Variants in PXN observed in about 807,000 individuals in gnomAD.
PXN encodes paxillin.
In PXN, 61 loss-of-function variants were observed where a neutral mutation model predicts 103.6. The ratio of observed to expected loss-of-function variants is 0.59; its 90% CI spans 0.48 to 0.73. PXN has a LOEUF of 0.73. Among genes scored for constraint, PXN ranks in the 30% least tolerant of loss-of-function variants. The probability of loss-of-function intolerance (pLI) is 0.00; values close to 1 mark genes in which losing one functional copy is unlikely to be tolerated. For synonymous variants in PXN, 562 were observed against 607.8 expected (o/e 0.92, Z 1.11); for missense variants, 1,274 against 1,460.3 (o/e 0.87, Z 2.08).
intron 1 of PXN, among the ~76,000 whole-genome samples, chr12:120,245,376 C>CT (rs1487305655): frequency 6.6e-6 from 1 of 151,190 alleles, no homozygotes; most frequent in Non-Finnish European, 1.5e-5. Context: ...GGCAGGGAAA[C>CT]TAGCCAGGGA....
rs1284152512 is a variant in PXN at position 120,214,279 on chromosome 12, C to T, written c.2749-62G>A. On this transcript the variant is annotated intron_variant, in intron 12 of 14. Transcript: ENST00000637617. The surrounding 1 kb of genome is among the most constrained non-coding windows in gnomAD (Gnocchi z 5.0). Reference sequence around the variant, plus strand: ...GGGCAGATCTCACAACTGAGACGCCCAGCAAGGCCGTCCTTCCACCCGCAG... The same window carrying T: ...GGGCAGATCTCACAACTGAGACGCCTAGCAAGGCCGTCCTTCCACCCGCAG... The T allele has an allele frequency of 4.9e-6, 7 of 1,426,734 alleles. No individual in the cohort carries two copies. Among genetic ancestry groups the T allele is most frequent in the Non-Finnish European group, 6.8e-6 (7 of 1,035,640 alleles). 88.4% of individuals were successfully genotyped at this position (1,426,734 alleles called of 1,614,324 possible). A position where few individuals can be genotyped will look rare whatever the true frequency, so the allele number is the denominator to read the frequency against.
At position 120,265,498 on chromosome 12, in the gene PXN, G is replaced by A; in HGVS notation, c.13+119C>T. The A allele has an allele frequency of 2.5e-6, 3 of 1,188,902 alleles. No individual in the cohort carries two copies. The South Asian group carries it at 5.1e-5, about 20-fold the overall frequency. The allele number at this position is 1,188,902 out of a possible 1,614,324, so 73.6% of individuals were successfully genotyped here. On this transcript the variant is annotated intron_variant, in intron 1 of 14. Transcript: ENST00000637617. This position sits in a 1 kb window ranked among gnomAD's most constrained non-coding sequence, Gnocchi z 5.7. ...GCGGAGCCCCGGCCGGCAGGGACAGGAGCTGAGGCCGGGGCCGCCGAGGGT... is the reference window on the plus strand; with the variant it reads ...GCGGAGCCCCGGCCGGCAGGGACAGAAGCTGAGGCCGGGGCCGCCGAGGGT...
In PXN at chr12:120,245,848, A is replaced by T. The variant is rs372305569; in HGVS notation, c.13+19769T>A. On this transcript the variant is annotated intron_variant, in intron 1 of 14. Coordinates refer to ENST00000637617, the MANE Select transcript of PXN (RefSeq NM_001385981.1). ...TATAGTAAATTTGTGGACAAACATAAAAGGTGGACTACATAGTACGGGTTT... is the reference window on the plus strand; with the variant it reads ...TATAGTAAATTTGTGGACAAACATATAAGGTGGACTACATAGTACGGGTTT... Among the ~76,000 whole-genome samples the T allele has an allele frequency of 1.2e-4, 18 of 152,244 alleles. No homozygotes were observed. In the East Asian group the frequency reaches 3.5e-3, roughly 29 times the overall value.
rs1376810366 is a variant in PXN, at chr12:120,224,962, G to A, written c.14-585C>T. 5.8e-6 allele frequency: 2 copies of A among 346,412 alleles called. No homozygotes were observed. The highest frequency in any genetic ancestry group is 7.6e-5 in the Admixed American group (2 of 26,374). The allele number at this position is 346,412 out of a possible 1,614,324, so 21.5% of individuals were successfully genotyped here. The stretch of plus-strand genomic sequence containing the variant: ...TAAGGTGTGCGGGGAGGTGGGGGCT[G>A]GAGTGAGGCTGGTGCAGCGGTCCCC... On this transcript the variant is annotated intron_variant, in intron 1 of 14. Coordinates refer to ENST00000637617, the MANE Select transcript of PXN (RefSeq NM_001385981.1). The surrounding 1 kb of genome is among the most constrained non-coding windows in gnomAD (Gnocchi z 5.0).
chr12:120,231,235 T>C (rs1414732625), intron 1 of PXN, among the ~76,000 whole-genome samples: 2 of 152,202 alleles, frequency 1.3e-5, no homozygotes, highest in Admixed American at 6.5e-5. Context: ...GAGGAGATAA[T>C]ACAATTATGG....
intron 1 of PXN, among the ~76,000 whole-genome samples, chr12:120,240,344 C>G (rs1211646638): frequency 6.6e-6 from 1 of 152,128 alleles, no homozygotes; most frequent in African/African-American, 2.4e-5. Flanking sequence ...CAAGTGCATG[C>G]CCAGCACTGC....
chr12:120,263,824 A>G (rs571555975), intron 1 of PXN, among the ~76,000 whole-genome samples: 1 of 152,308 alleles, frequency 6.6e-6, no homozygotes, highest in East Asian at 1.9e-4. Flanking sequence ...GAAGACAGGA[A>G]TTCCAGATTT....
At chr12:120,230,674 C>T (rs550399936) in intron 1 of PXN, among the ~76,000 whole-genome samples, 1 of 151,344 alleles carries the variant, frequency 6.6e-6, no homozygotes, top group East Asian at 1.9e-4. Context: ...GCCCAGAGCA[C>T]ATGAGCAGTT....
chr12:120,216,341 G>C lies in PXN; in HGVS notation c.2233C>G (p.Pro745Ala), dbSNP rs1251278740. 3.1e-6 allele frequency: 4 copies of C among 1,291,972 alleles called. No homozygotes were observed. Among genetic ancestry groups the C allele is most frequent in the Admixed American group, 3.9e-5 (1 of 25,770 alleles). The allele number at this position is 1,291,972 out of a possible 1,614,324, so 80.0% of individuals were successfully genotyped here. A position where few individuals can be genotyped will look rare whatever the true frequency, so the allele number is the denominator to read the frequency against. ...EGVQGPALPI[P>A]APHTMRSVGC... is the part of the protein sequence containing the mutation. Reference sequence around the variant, plus strand: ...ACGGACCTCATGGTGTGGGGTGCAGGAATGGGAAGGGCAGGGCCCTGCACC... The same window carrying C: ...ACGGACCTCATGGTGTGGGGTGCAGCAATGGGAAGGGCAGGGCCCTGCACC... The change falls in exon 9 of 15, where the codon CCT becomes GCT. Residue 745 changes from proline to alanine, a missense_variant. Pro to Ala is a conservative substitution (Grantham distance 27). This residue lies in a region of PXN where 1,178 missense variants were observed against 1,309.0 expected (regional missense o/e 0.90). Transcript: ENST00000637617. The surrounding 1 kb of genome is among the most constrained non-coding windows in gnomAD (Gnocchi z 5.1).
In PXN at chr12:120,213,875, G is replaced by A; in HGVS notation, c.2946C>T (p.Asn982=). The change falls in exon 14 of 15, where the codon AAC becomes AAT. Residue 982 remains asparagine, a synonymous_variant. Transcript: ENST00000637617. This position sits in a 1 kb window ranked among gnomAD's most constrained non-coding sequence, Gnocchi z 4.2. ...AILENYISAL[N]TLWHPECFVC... Reference sequence around the variant, plus strand: ...CAAAGCACTCAGGATGCCACAGCGTGTTGAGGGCTGAGATATAGTTCTCCA... The same window carrying A: ...CAAAGCACTCAGGATGCCACAGCGTATTGAGGGCTGAGATATAGTTCTCCA... 6.2e-7 allele frequency: 1 copy of A among 1,611,502 alleles called. No homozygotes were observed. Among genetic ancestry groups the A allele is most frequent in the East Asian group, 2.2e-5 (1 of 44,830 alleles).
Position 120,217,567 on chromosome 12 carries a change from G to C in PXN, c.1717-451C>G, listed in dbSNP as rs182589101. ...TTTTTTTTAATTTATAATAGAAAAA[G>C]TGTTTCCTTCCAGGAACTTTTTTTT... On this transcript the variant is annotated intron_variant, in intron 7 of 14. Transcript: ENST00000637617. This position sits in a 1 kb window ranked among gnomAD's most constrained non-coding sequence, Gnocchi z 4.1. 6.6e-6 allele frequency among the ~76,000 whole-genome samples: 1 copy of C among 151,918 alleles called. No individual in the cohort carries two copies. Among genetic ancestry groups the C allele is most frequent in the Non-Finnish European group, 1.5e-5 (1 of 67,992 alleles).
intron 1 of PXN, among the ~76,000 whole-genome samples, chr12:120,262,125 T>C (rs1893970934): frequency 6.6e-6 from 1 of 152,110 alleles, no homozygotes; most frequent in South Asian, 2.1e-4. Flanking sequence ...ACAGGGAGGC[T>C]CCATAGCTCC....
In PXN at chr12:120,224,433, G is replaced by A. The variant is rs770438369; in HGVS notation, c.14-56C>T. The A allele has an allele frequency of 4.2e-5, 55 of 1,307,348 alleles. No homozygotes were observed. Among genetic ancestry groups the A allele is most frequent in the Middle Eastern group, 3.7e-4 (2 of 5,458 alleles). 81.0% of individuals were successfully genotyped at this position (1,307,348 alleles called of 1,614,324 possible). ...GAACCGGGATCCTGGGGACTCTCCCGTGGCAGGGCCCTCCCTGCCTGCACC... is the reference window on the plus strand; with the variant it reads ...GAACCGGGATCCTGGGGACTCTCCCATGGCAGGGCCCTCCCTGCCTGCACC... On this transcript the variant is annotated intron_variant, in intron 1 of 14. Transcript: ENST00000637617. This position sits in a 1 kb window ranked among gnomAD's most constrained non-coding sequence, Gnocchi z 5.0.
chr12:120,265,691 A>T lies in PXN; in HGVS notation c.-62T>A. The T allele has an allele frequency of 1.5e-6, 2 of 1,352,994 alleles. No homozygotes were observed. The highest frequency in any genetic ancestry group is 1.9e-6 in the Non-Finnish European group (2 of 1,048,554). 83.8% of individuals were successfully genotyped at this position (1,352,994 alleles called of 1,614,324 possible). On this transcript the variant is annotated 5_prime_UTR_variant, in exon 1 of 15. Coordinates refer to ENST00000637617, the MANE Select transcript of PXN (RefSeq NM_001385981.1). This position sits in a 1 kb window ranked among gnomAD's most constrained non-coding sequence, Gnocchi z 5.7. ...CTGCCCGTCCCGGGGCCGCTCGTCT[A>T]TGCCCCGCAACTTTTCCGCCGCGAG...
At chr12:120,250,149 G>A in intron 1 of PXN, 13 of 985,704 alleles carry the variant, frequency 1.3e-5, no homozygotes, top group Non-Finnish European at 1.6e-5. Flanking sequence ...CGAGCCAGGA[G>A]TACACAGGGG....
At chr12:120,239,927 C>CA in intron 1 of PXN, among the ~76,000 whole-genome samples, 1 of 136,284 alleles carries the variant, frequency 7.3e-6, no homozygotes, top group South Asian at 2.4e-4. Flanking sequence ...ATCTAGCTCC[C>CA]TTTTTTTTTT....
chr12:120,253,418 A>G (rs1892517444), intron 1 of PXN, among the ~76,000 whole-genome samples: 1 of 152,230 alleles, frequency 6.6e-6, no homozygotes, highest in South Asian at 2.1e-4. Flanking sequence ...GGTTGCAGTG[A>G]GCTGAGATCA....
intron 1 of PXN, among the ~76,000 whole-genome samples, chr12:120,230,073 C>T (rs1887695681): frequency 6.6e-6 from 1 of 152,200 alleles, no homozygotes; most frequent in African/African-American, 2.4e-5. Context: ...TTTTCCAGCC[C>T]CTTCACCCAC....
At chr12:120,252,901 G>A (rs768232171) in intron 1 of PXN, among the ~76,000 whole-genome samples, 1 of 151,680 alleles carries the variant, frequency 6.6e-6, no homozygotes, top group African/African-American at 2.4e-5. Flanking sequence ...GGGAGGTTGA[G>A]GTAGGAGAAT....
Sources: allele counts gnomAD v4.1 joint callset (sites outside exome capture counted in the v4.1 genomes callset), GRCh38; gene constraint gnomAD v4.1.1; regional missense constraint gnomAD v4.1.1; non-coding constraint Gnocchi (gnomAD v3.1); transcripts MANE v1.5; gene names NCBI Gene and HGNC (gene_info 2026-07-23, HGNC 2026-07-21).